BTK: variants seen among roughly 807,000 people sequenced by gnomAD.
BTK encodes tyrosine-protein kinase BTK.
In BTK, 5 loss-of-function variants were observed where a neutral mutation model predicts 57.4. That is an observed-to-expected ratio of 0.09 (90% CI 0.05 to 0.18). The LOEUF (loss-of-function observed/expected upper bound fraction) is 0.18. Among genes scored for constraint, BTK ranks in the 10% least tolerant of loss-of-function variants. The pLI, the probability that BTK is intolerant of heterozygous loss-of-function variation, is 1.00. For missense variants in BTK, 194 were observed against 501.2 expected (o/e 0.39, Z 5.85); for synonymous variants, 154 against 174.3 (o/e 0.88, Z 0.92).
At chrX:101,381,661 C>T (rs1555981755) in intron 1 of BTK, among the ~76,000 whole-genome samples, 1 of 111,862 alleles carries the variant, frequency 8.9e-6, no homozygotes, top group Non-Finnish European at 1.9e-5. Flanking sequence ...GTTTATCATT[C>T]CTAGGTACGT....
At position 101,369,999 on chromosome X, in the gene BTK, G is replaced by A. The variant is rs150917517; in HGVS notation, c.390C>T (p.Asn130=). 30 of 1,202,198 alleles carry A rather than the reference G, an allele frequency of 2.5e-5. No homozygotes were observed. Among genetic ancestry groups the A allele is most frequent in the African/African-American group, 2.1e-4 (12 of 56,207 alleles). The change falls in exon 5 of 19, where the codon AAC becomes AAT. Residue 130 remains asparagine, a splice_region_variant and synonymous_variant. Transcript: ENST00000308731. ...LRKRWIHQLK[N]VIRYNSDLVQ... is the part of the protein sequence containing the mutation. ...ATTTATTTTCCAAATAATTCTCACC[G>A]TTTTTGAGCTGGTGAATCCACCGCT...
At chrX:101,377,004 C>T (rs1479327345) in intron 1 of BTK, among the ~76,000 whole-genome samples, 2 of 111,008 alleles carry the variant, frequency 1.8e-5, no homozygotes, top group African/African-American at 6.6e-5. Flanking sequence ...TCTGGAAGAT[C>T]GCTTTGCCAC....
intron 9 of BTK, 40 bp from the exon 10 acceptor site, chrX:101,359,387 A>C: frequency 8.5e-7 from 1 of 1,181,208 alleles, no homozygotes; most frequent in Non-Finnish European, 1.2e-6. Flanking sequence ...TCCTGGTCAT[A>C]AGCAGATTGG....
upstream of BTK, chrX:101,390,666 G>A (rs977469000): frequency 2.1e-6 from 1 of 480,320 alleles, no homozygotes; most frequent in Non-Finnish European, 3.7e-6. Flanking sequence ...TGGAGGTGGA[G>A]GACCCCTTCA....
At chrX:101,356,595 T>A in intron 14 of BTK, 189 bp downstream of exon 14, 1 of 505,581 alleles carries the variant, frequency 2.0e-6, no homozygotes, top group Non-Finnish European at 3.4e-6. Flanking sequence ...TCACCACTAT[T>A]CTCAACCAAT....
intron 18 of BTK, among the ~76,000 whole-genome samples, chrX:101,352,427 A>T (rs1269422402): frequency 9.0e-6 from 1 of 111,587 alleles, no homozygotes; most frequent in African/African-American, 3.3e-5. Context: ...GGGCCTGGGA[A>T]AGCCTCTGGC....
chrX:101,351,099 C>T (rs2147421533), intron 18 of BTK, among the ~76,000 whole-genome samples: 1 of 111,248 alleles, frequency 9.0e-6, no homozygotes, highest in Non-Finnish European at 1.9e-5. Context: ...GGGTTCAAGT[C>T]ATTCTCCTGC....
At chrX:101,368,236 T>C (rs782100120) in intron 5 of BTK, among the ~76,000 whole-genome samples, 1 of 112,758 alleles carries the variant, frequency 8.9e-6, no homozygotes, top group Admixed American at 9.5e-5. Flanking sequence ...CAATAAGCAG[T>C]ATTAAAGAGT....
At chrX:101,388,639 C>T (rs1489368542), upstream of BTK, among the ~76,000 whole-genome samples, 1 of 111,887 alleles carries the variant, frequency 8.9e-6, no homozygotes, top group African/African-American at 3.3e-5. Flanking sequence ...GTGTATTTTA[C>T]CAGGGCTAAA....
intron 3 of BTK, among the ~76,000 whole-genome samples, chrX:101,372,407 C>A (rs1927062469): frequency 9.0e-6 from 1 of 111,042 alleles, no homozygotes; most frequent in African/African-American, 3.3e-5. Flanking sequence ...AGTAGACCAA[C>A]TTTATGAGTA....
chrX:101,370,338 T>C (rs908878442), intron 4 of BTK, among the ~76,000 whole-genome samples: 16 of 112,127 alleles, frequency 1.4e-4, no homozygotes, highest in Admixed American at 2.9e-4. Flanking sequence ...CTTCAATTCA[T>C]GCATAAACTT....
intron 11 of BTK, 44 bp downstream of exon 11, chrX:101,358,573 A>G (rs1289244736): frequency 8.5e-7 from 1 of 1,174,495 alleles, no homozygotes; most frequent in African/African-American, 1.8e-5. Context: ...TTAGGAGGGT[A>G]CCCCTGTTCT....
chrX:101,383,552 TTGAGTCAA>T (rs1927521192), intron 1 of BTK, among the ~76,000 whole-genome samples: 1 of 109,964 alleles, frequency 9.1e-6, no homozygotes, highest in Non-Finnish European at 1.9e-5. Context: ...TTTTTTTTCA[TTGAGTCAA>T]TGATCTTAAA....
intron 1 of BTK, 119 bp from the exon 2 acceptor site, chrX:101,375,433 T>G (rs782078295): frequency 1.5e-5 from 11 of 724,040 alleles, no homozygotes; most frequent in Admixed American, 7.7e-5. Flanking sequence ...CACAAAATAA[T>G]TTCTTCCTAC....
chrX:101,360,067 G>A (rs1569292646), intron 9 of BTK, 21 bp downstream of exon 9: 1 of 1,118,778 alleles, frequency 8.9e-7, no homozygotes, highest in East Asian at 3.1e-5. Flanking sequence ...GAAGATTGTG[G>A]ACTGACATAA....
intron 5 of BTK, among the ~76,000 whole-genome samples, chrX:101,368,196 T>C (rs1555979769): frequency 8.9e-6 from 1 of 112,192 alleles, no homozygotes; most frequent in African/African-American, 3.2e-5. Context: ...AGTTAATATA[T>C]GTAAAGAACT....
At chrX:101,365,568 C>A (rs1555979334) in intron 5 of BTK, among the ~76,000 whole-genome samples, 2 of 112,271 alleles carry the variant, frequency 1.8e-5, no homozygotes, top group African/African-American at 6.5e-5. Context: ...AATGCACATT[C>A]CCCTATTGGG....
At chrX:101,384,734 C>G (rs1279448933) in intron 1 of BTK, among the ~76,000 whole-genome samples, 1 of 112,092 alleles carries the variant, frequency 8.9e-6, no homozygotes, top group Non-Finnish European at 1.9e-5. Context: ...AGGACAAGCC[C>G]TAAGGGACAC....
At position 101,354,481 on chromosome X, in the gene BTK, T is replaced by C. The variant is rs1222561235; in HGVS notation, c.1631+149A>G. 1.5e-5 allele frequency: 9 copies of C among 617,213 alleles called. No homozygotes were observed. The African/African-American group carries it at 2.1e-4, about 14-fold the overall frequency. The allele number at this position is 617,213 out of a possible 1,213,427, so 50.9% of individuals were successfully genotyped here. On this transcript the variant is annotated intron_variant, in intron 16 of 18. Coordinates refer to ENST00000308731, the MANE Select transcript of BTK (RefSeq NM_000061.3). ...GGATGAAAGAGGTGGCTTAAATAACTCAGAGGAAGAAAAAGAATAGAAAGA... is the reference window on the plus strand; with the variant it reads ...GGATGAAAGAGGTGGCTTAAATAACCCAGAGGAAGAAAAAGAATAGAAAGA...
Sources: allele counts gnomAD v4.1 joint callset (sites outside exome capture counted in the v4.1 genomes callset), GRCh38; gene constraint gnomAD v4.1.1; transcripts MANE v1.5; gene names NCBI Gene and HGNC (gene_info 2026-07-23, HGNC 2026-07-21).